PABPC4L: variants seen among roughly 807,000 people sequenced by gnomAD.
PABPC4L encodes poly(A) binding protein cytoplasmic 4 like.
For missense variants in PABPC4L, 452 were observed against 451.4 expected, an observed-to-expected ratio of 1.00 and a Z score of -0.01; for synonymous variants, 169 against 164.1, an observed-to-expected ratio of 1.03 and a Z score of -0.23.
At chr4:133,965,261 AAGG>A in the PABPC4L span, among the ~76,000 whole-genome samples, 124 of 152,256 alleles carry the variant, frequency 8.1e-4, no homozygotes, top group African/African-American at 2.9e-3. Context: ...ATACCTAACC[AAGG>A]AGGTGAAAGA....
chr4:133,954,750 A>G, the PABPC4L span, among the ~76,000 whole-genome samples: 2 of 152,170 alleles, frequency 1.3e-5, no homozygotes, highest in Non-Finnish European at 2.9e-5. Context: ...TAAAACATAT[A>G]AATAGATGCT....
At chr4:133,950,435 C>T in the PABPC4L span, among the ~76,000 whole-genome samples, 1 of 152,170 alleles carries the variant, frequency 6.6e-6, no homozygotes, top group African/African-American at 2.4e-5. Flanking sequence ...GCAGATCACA[C>T]AAACTCCACA....
the PABPC4L span, among the ~76,000 whole-genome samples, chr4:134,187,682 T>C: frequency 6.6e-6 from 1 of 152,084 alleles, no homozygotes; most frequent in East Asian, 1.9e-4. Flanking sequence ...AATGCCCTTC[T>C]TTTTTCCCTG....
chr4:134,118,353 T>C, the PABPC4L span, among the ~76,000 whole-genome samples: 2 of 151,854 alleles, frequency 1.3e-5, no homozygotes, highest in East Asian at 3.9e-4. Context: ...TTCAGGTCTA[T>C]GTGGAATAGC....
the PABPC4L span, among the ~76,000 whole-genome samples, chr4:134,054,197 C>T: frequency 4.8e-5 from 6 of 125,652 alleles, no homozygotes; most frequent in Non-Finnish European, 3.4e-5. Context: ...AACTATATTG[C>T]CTGTGTTTCT....
the PABPC4L span, among the ~76,000 whole-genome samples, chr4:133,961,737 G>T: frequency 6.6e-6 from 1 of 151,982 alleles, no homozygotes; most frequent in Non-Finnish European, 1.5e-5. Context: ...GTTTGCTGCC[G>T]TCCCAGACCC....
At chr4:134,119,494 TA>T in the PABPC4L span, among the ~76,000 whole-genome samples, 1 of 151,910 alleles carries the variant, frequency 6.6e-6, no homozygotes, top group Admixed American at 6.6e-5. Context: ...AATAATGTTT[TA>T]TTTTTTATAA....
At chr4:134,160,711 C>A in the PABPC4L span, among the ~76,000 whole-genome samples, 3 of 151,838 alleles carry the variant, frequency 2.0e-5, no homozygotes, top group African/African-American at 7.3e-5. Context: ...CTCCATCTCT[C>A]TCAAAATATT....
the PABPC4L span, among the ~76,000 whole-genome samples, chr4:133,960,891 C>G: frequency 6.6e-6 from 1 of 152,176 alleles, no homozygotes; most frequent in South Asian, 2.1e-4. Flanking sequence ...CCACATCCCC[C>G]ACAGCAGCCA....
the PABPC4L span, among the ~76,000 whole-genome samples, chr4:134,147,772 T>TTGTTG: frequency 3.2e-5 from 4 of 123,438 alleles, no homozygotes; most frequent in East Asian, 5.8e-4. Context: ...TGTTGTTGTT[T>TTGTTG]TTTCCTAGAA....
the PABPC4L span, among the ~76,000 whole-genome samples, chr4:134,047,192 GAGTTTCTTT>G: frequency 6.6e-6 from 1 of 152,130 alleles, no homozygotes; most frequent in African/African-American, 2.4e-5. Context: ...CTTTAAATTT[GAGTTTCTTT>G]CATATTGCAG....
At chr4:134,059,573 A>G in the PABPC4L span, among the ~76,000 whole-genome samples, 1 of 151,574 alleles carries the variant, frequency 6.6e-6, no homozygotes, top group African/African-American at 2.4e-5. Context: ...AGATAATAGA[A>G]CATATGGCAC....
chr4:134,075,418 T>A, the PABPC4L span, among the ~76,000 whole-genome samples: 5 of 152,180 alleles, frequency 3.3e-5, no homozygotes, highest in Non-Finnish European at 5.9e-5. Context: ...AGTAAATAAA[T>A]AAATTAATTA....
the PABPC4L span, among the ~76,000 whole-genome samples, chr4:134,124,526 C>T: frequency 6.6e-6 from 1 of 152,064 alleles, no homozygotes; most frequent in African/African-American, 2.4e-5. Context: ...TGTGTGCATA[C>T]TCCAAATTGC....
chr4:134,006,148 T>G, the PABPC4L span, among the ~76,000 whole-genome samples: 1 of 152,028 alleles, frequency 6.6e-6, no homozygotes, highest in Admixed American at 6.6e-5. Context: ...GTTTTACAGT[T>G]GAGAAAGAGT....
At chr4:133,964,132 G>A in the PABPC4L span, among the ~76,000 whole-genome samples, 13 of 151,932 alleles carry the variant, frequency 8.6e-5, no homozygotes, top group Non-Finnish European at 1.9e-4. Flanking sequence ...AGAAACAAAT[G>A]GGAGATATTA....
the PABPC4L span, among the ~76,000 whole-genome samples, chr4:134,077,466 T>C: frequency 6.6e-6 from 1 of 152,302 alleles, no homozygotes; most frequent in Non-Finnish European, 1.5e-5. Context: ...AATTACATTA[T>C]GCAAATTAAA....
chr4:134,132,269 A>C, the PABPC4L span, among the ~76,000 whole-genome samples: 17 of 152,106 alleles, frequency 1.1e-4, no homozygotes, highest in African/African-American at 4.1e-4. Flanking sequence ...TCAACAGAGT[A>C]AACAGACAAC....
At chr4:133,998,624 C>T in the PABPC4L span, among the ~76,000 whole-genome samples, 1 of 151,902 alleles carries the variant, frequency 6.6e-6, no homozygotes, top group South Asian at 2.1e-4. Context: ...TCTGTGAACC[C>T]TTTTTTTAAT....
Sources: gnomAD v4.1 joint callset for allele counts (sites outside exome capture counted in the v4.1 genomes callset) on GRCh38, gnomAD v4.1.1 for gene constraint, MANE v1.5 for transcripts, NCBI Gene and HGNC (gene_info 2026-07-23, HGNC 2026-07-21) for gene names.